Variants in CADM2 observed in about 807,000 individuals in gnomAD.
CADM2 encodes cell adhesion molecule 2.
In CADM2, 12 loss-of-function variants were observed where a neutral mutation model predicts 49.8. The ratio of observed to expected loss-of-function variants is 0.24; its 90% confidence interval spans 0.15 to 0.39. The LOEUF (loss-of-function observed/expected upper bound fraction) is 0.39, where lower values mean the gene tolerates loss of function less well. CADM2 is among the 10% of genes least tolerant of loss of function. CADM2 has a pLI of 1.00. For synonymous variants in CADM2, 214 were observed against 175.4 expected (o/e 1.22, Z -1.74); for missense variants, 378 against 492.3 (o/e 0.77, Z 2.20).
At chr3:85,674,909 C>A (rs994647158) in intron 1 of CADM2, among the ~76,000 whole-genome samples, 7 of 151,994 alleles carry the variant, frequency 4.6e-5, no homozygotes, top group Admixed American at 2.0e-4. Flanking sequence ...GCTCTTTTTT[C>A]CTATAGCGAA....
At chr3:85,197,282 T>A (rs2107737092) in intron 1 of CADM2, among the ~76,000 whole-genome samples, 1 of 151,956 alleles carries the variant, frequency 6.6e-6, no homozygotes, top group African/African-American at 2.4e-5. Flanking sequence ...ATAAACACAG[T>A]TGTGATCAAT....
At chr3:85,128,398 T>G (rs936745746) in intron 1 of CADM2, among the ~76,000 whole-genome samples, 1 of 152,226 alleles carries the variant, frequency 6.6e-6, no homozygotes, top group Non-Finnish European at 1.5e-5. Context: ...ATTTAATTTT[T>G]TGTTTGAAAA....
intron 1 of CADM2, among the ~76,000 whole-genome samples, chr3:85,353,502 A>G (rs1326850495): frequency 1.3e-5 from 2 of 151,164 alleles, no homozygotes; most frequent in African/African-American, 2.4e-5. Flanking sequence ...GCTTTGTATT[A>G]ATTATATTTT....
At chr3:86,061,649 T>C (rs1013775741) in intron 8 of CADM2, among the ~76,000 whole-genome samples, 1 of 152,124 alleles carries the variant, frequency 6.6e-6, no homozygotes, top group Non-Finnish European at 1.5e-5. Context: ...AATAATTTAA[T>C]GGATTTGATT....
At chr3:86,046,704 G>A (rs1352627489) in intron 8 of CADM2, among the ~76,000 whole-genome samples, 1 of 152,078 alleles carries the variant, frequency 6.6e-6, no homozygotes, top group Non-Finnish European at 1.5e-5. Flanking sequence ...CAATAGGACT[G>A]GGCTGTGCAT....
At chr3:85,080,603 A>C (rs1027539720) in intron 1 of CADM2, among the ~76,000 whole-genome samples, 1 of 152,074 alleles carries the variant, frequency 6.6e-6, no homozygotes, top group Non-Finnish European at 1.5e-5. Context: ...TATAATATAA[A>C]TATTTTGAAA....
At chr3:85,415,663 A>G (rs1303544462) in intron 1 of CADM2, among the ~76,000 whole-genome samples, 2 of 152,184 alleles carry the variant, frequency 1.3e-5, no homozygotes, top group Non-Finnish European at 2.9e-5. Flanking sequence ...CACATTTTAT[A>G]GCACAAGTTC....
chr3:85,489,788 C>CGT lies in CADM2; in HGVS notation c.62-236716_62-236715dup, dbSNP rs765287422. On this transcript the variant is annotated intron_variant, in intron 1 of 9. Transcript: ENST00000383699. ...AGAGAGAGAGAGAGAAATTATTTAA[C>CGT]GTGTGTGTGTGTGTGTGTGAGAGAG... Among the ~76,000 whole-genome samples, 990 of 143,540 alleles carry CGT rather than the reference C, an allele frequency of 6.9e-3. 8 individuals are homozygous for CGT. Among genetic ancestry groups the CGT allele is most frequent in the African/African-American group, 0.022 (845 of 38,854 alleles). 94.2% of individuals were successfully genotyped at this position (143,540 alleles called of 152,430 possible).
At chr3:85,314,477 A>AG (rs1275979278) in intron 1 of CADM2, among the ~76,000 whole-genome samples, 1 of 152,048 alleles carries the variant, frequency 6.6e-6, no homozygotes, top group Non-Finnish European at 1.5e-5. Context: ...TTAAAAAAAA[A>AG]CCTTCATAAT....
chr3:86,001,868 G>A (rs918736837), intron 8 of CADM2, among the ~76,000 whole-genome samples: 9 of 152,080 alleles, frequency 5.9e-5, no homozygotes, highest in African/African-American at 2.2e-4. Flanking sequence ...AGTCATTGCT[G>A]TATAATTATA....
intron 3 of CADM2, among the ~76,000 whole-genome samples, chr3:85,876,863 G>C (rs1035535243): frequency 5.9e-5 from 9 of 152,214 alleles, no homozygotes; most frequent in Non-Finnish European, 8.8e-5. Context: ...GGTACCTTTT[G>C]TTAGAAATGG....
At chr3:85,261,869 C>A (rs1356243192) in intron 1 of CADM2, among the ~76,000 whole-genome samples, 2 of 151,998 alleles carry the variant, frequency 1.3e-5, no homozygotes, top group Admixed American at 6.6e-5. Context: ...ATGAGAAAAT[C>A]ATGAAATCTG....
intron 1 of CADM2, among the ~76,000 whole-genome samples, chr3:85,071,777 A>G (rs2036752618): frequency 6.6e-6 from 1 of 152,084 alleles, no homozygotes; most frequent in Non-Finnish European, 1.5e-5. Flanking sequence ...TAAAAGCAAC[A>G]GAATCCAACT....
At chr3:85,286,631 T>C (rs1477759659) in intron 1 of CADM2, among the ~76,000 whole-genome samples, 2 of 152,152 alleles carry the variant, frequency 1.3e-5, no homozygotes, top group Non-Finnish European at 2.9e-5. Context: ...ATTCTAGATA[T>C]AATTGACCCA....
At chr3:86,015,766 C>A (rs564768269) in intron 8 of CADM2, among the ~76,000 whole-genome samples, 1 of 152,204 alleles carries the variant, frequency 6.6e-6, no homozygotes, top group African/African-American at 2.4e-5. Context: ...GCTTTTTAGC[C>A]GGTATATGTT....
chr3:85,932,828 A>G (rs1720768093), intron 6 of CADM2, among the ~76,000 whole-genome samples: 2 of 152,190 alleles, frequency 1.3e-5, no homozygotes, highest in Admixed American at 6.6e-5. Flanking sequence ...ATAAATGAAT[A>G]CTGTCTTACA....
intron 1 of CADM2, among the ~76,000 whole-genome samples, chr3:85,283,676 T>C (rs1306445112): frequency 6.6e-6 from 1 of 152,104 alleles, no homozygotes; most frequent in Non-Finnish European, 1.5e-5. Flanking sequence ...TGTGAGATGA[T>C]TGAATAAAAT....
chr3:85,886,855 A>G (rs2108403365), intron 5 of CADM2, among the ~76,000 whole-genome samples: 2 of 152,274 alleles, frequency 1.3e-5, no homozygotes, highest in Admixed American at 1.3e-4. Flanking sequence ...TTATACATCT[A>G]AATTTAAACT....
intron 1 of CADM2, among the ~76,000 whole-genome samples, chr3:85,395,254 T>A (rs1576475599): frequency 1.6e-5 from 2 of 125,820 alleles, no homozygotes; most frequent in Admixed American, 1.1e-4. Context: ...GCTGTGATCA[T>A]GCCACTGCAC....
Sources: allele counts gnomAD v4.1 joint callset (sites outside exome capture counted in the v4.1 genomes callset), GRCh38; gene constraint gnomAD v4.1.1; transcripts MANE v1.5; gene names NCBI Gene and HGNC (gene_info 2026-07-23, HGNC 2026-07-21).